Variants in WDR27 observed in about 807,000 individuals in gnomAD.
WDR27 encodes WD repeat-containing protein 27.
In WDR27, 100 loss-of-function variants were observed where a neutral mutation model predicts 114.4. The ratio of observed to expected loss-of-function variants is 0.87; its 90% CI spans 0.74 to 1.03. The LOEUF (loss-of-function observed/expected upper bound fraction) is 1.03, where lower values mean the gene tolerates loss of function less well. WDR27 is among the 50% of genes least tolerant of loss of function. The pLI is 0.00. For synonymous variants in WDR27, 449 were observed against 423.1 expected (o/e 1.06, Z -0.75); for missense variants, 1,129 against 1,092.9 (o/e 1.03, Z -0.47).
chr6:169,440,789 A>G, the WDR27 span, among the ~76,000 whole-genome samples: 1 of 152,190 alleles, frequency 6.6e-6, no homozygotes, highest in African/African-American at 2.4e-5. Context: ...TTCTAATTGT[A>G]CTAATGGTCC....
intron 16 of WDR27, among the ~76,000 whole-genome samples, chr6:169,646,275 G>A (rs4621638): frequency 0.019 from 2,967 of 152,264 alleles, 93 homozygotes; most frequent in African/African-American, 0.066. Context: ...ATGAGAGAGT[G>A]AGGCTGCTGT....
intron 23 of WDR27, among the ~76,000 whole-genome samples, chr6:169,596,007 T>C (rs1395176970): frequency 2.0e-5 from 3 of 152,136 alleles, no homozygotes; most frequent in African/African-American, 7.2e-5. Context: ...CTTTCCCTTA[T>C]AAGCATTTGA....
Position 169,496,998 on chromosome 6 carries a change from G to T in WDR27, c.2646-39364C>A, listed in dbSNP as rs77119900. On this transcript the variant is annotated intron_variant, in intron 25 of 25. Transcript: ENST00000448612. Reference sequence around the variant, plus strand: ...GAATAGCCAAAGCAATCTTGAAAAAGAACAAAACTGGAGGACCTACACTTT... The same window carrying T: ...GAATAGCCAAAGCAATCTTGAAAAATAACAAAACTGGAGGACCTACACTTT... 1.1e-3 allele frequency among the ~76,000 whole-genome samples: 166 copies of T among 151,992 alleles called. 1 individual carries two copies. The East Asian group carries it at 0.023, about 21-fold the overall frequency.
At chr6:169,430,713 C>G in the WDR27 span, among the ~76,000 whole-genome samples, 3 of 152,218 alleles carry the variant, frequency 2.0e-5, no homozygotes, top group Non-Finnish European at 4.4e-5. Context: ...CTGTCCTCAT[C>G]TGTAATAGTA....
chr6:169,671,424 TAG>T (rs960537896), intron 3 of WDR27: 1 of 152,310 alleles, frequency 6.6e-6, no homozygotes, highest in African/African-American at 2.4e-5. Flanking sequence ...CCACCCAGTC[TAG>T]AGAGGGACAC....
At chr6:169,429,602 G>T in the WDR27 span, among the ~76,000 whole-genome samples, 2 of 152,026 alleles carry the variant, frequency 1.3e-5, no homozygotes, top group Admixed American at 1.3e-4. Context: ...GGAAACCAGC[G>T]AATTCCATCC....
At chr6:169,503,899 T>C (rs1791666015) in intron 25 of WDR27, among the ~76,000 whole-genome samples, 1 of 152,116 alleles carries the variant, frequency 6.6e-6, no homozygotes, top group African/African-American at 2.4e-5. Context: ...TGTGGTGTGC[T>C]GAACTTCCAT....
In WDR27 at chr6:169,570,807, C is replaced by T. The variant is rs902167243; in HGVS notation, c.2645+1612G>A. ...TTGTGCCATTGCACTCCAGCCTGGG[C>T]CACAAGAGCGAAATTCCGTTTCAAA... On this transcript the variant is annotated intron_variant, in intron 25 of 25. Coordinates refer to ENST00000448612, the MANE Select transcript of WDR27 (RefSeq NM_182552.5). Among the ~76,000 whole-genome samples the T allele has an allele frequency of 2.6e-5, 4 of 152,156 alleles. No homozygotes were observed. In the South Asian group the frequency reaches 6.2e-4, roughly 24 times the overall value.
chr6:169,567,386 T>C (rs1425286716), intron 25 of WDR27, among the ~76,000 whole-genome samples: 1 of 152,114 alleles, frequency 6.6e-6, no homozygotes, highest in Non-Finnish European at 1.5e-5. Flanking sequence ...TTTAGGAGTA[T>C]CACTTTCTGG....
chr6:169,472,198 A>C (rs1583624786), intron 25 of WDR27, among the ~76,000 whole-genome samples: 3 of 152,212 alleles, frequency 2.0e-5, no homozygotes, highest in African/African-American at 7.2e-5. Context: ...AAAAAAGAGA[A>C]ATAACAATAA....
In WDR27 at chr6:169,668,057, G is replaced by T; in HGVS notation, c.585C>A (p.Gly195=). ...AVRAELQGHL[G]PVTAVEFCPW... is the part of the protein sequence containing the mutation. ...GACAGAACTCCACCGCAGTCACCGG[G>T]CCCAGGTGGCCCTGCAGCTCGGCCC... Residue 195 remains glycine (G), a synonymous_variant, in exon 5 of 26, where the codon GGC becomes GGA. Transcript: ENST00000448612. The T allele has an allele frequency of 1.2e-6, 2 of 1,613,952 alleles. No individual in the cohort carries two copies. Among genetic ancestry groups the T allele is most frequent in the Non-Finnish European group, 1.7e-6 (2 of 1,179,812 alleles).
At chr6:169,621,994 T>C (rs1813474933) in intron 21 of WDR27, among the ~76,000 whole-genome samples, 1 of 152,208 alleles carries the variant, frequency 6.6e-6, no homozygotes, top group African/African-American at 2.4e-5. Context: ...AGGAACTGCT[T>C]AGGGCCAACC....
intron 25 of WDR27, among the ~76,000 whole-genome samples, chr6:169,549,487 A>T (rs1012068567): frequency 6.6e-6 from 1 of 152,196 alleles, no homozygotes; most frequent in African/African-American, 2.4e-5. Context: ...AACTAAACAT[A>T]CACTTACCAT....
chr6:169,473,827 T>G (rs939827842), intron 25 of WDR27, among the ~76,000 whole-genome samples: 1 of 152,204 alleles, frequency 6.6e-6, no homozygotes, highest in South Asian at 2.1e-4. Flanking sequence ...GTAATCCACA[T>G]GGGCAGAGAA....
At chr6:169,468,129 A>G (rs1412227157) in intron 25 of WDR27, among the ~76,000 whole-genome samples, 1 of 152,196 alleles carries the variant, frequency 6.6e-6, no homozygotes, top group Non-Finnish European at 1.5e-5. Flanking sequence ...CAGTTCCCAA[A>G]AAGTTTCTCA....
the WDR27 span, among the ~76,000 whole-genome samples, chr6:169,427,806 A>ACC: frequency 8.1e-6 from 1 of 123,874 alleles, no homozygotes; most frequent in African/African-American, 2.7e-5. Context: ...GACAAACAAC[A>ACC]ACCAAAAAAA....
At chr6:169,529,310 TGC>T (rs1491306089) in intron 25 of WDR27, among the ~76,000 whole-genome samples, 4 of 16,170 alleles carry the variant, frequency 2.5e-4, no homozygotes, top group African/African-American at 6.5e-4. Context: ...TGGTGACCTC[TGC>T]GGGGGGGGGG....
chr6:169,579,790 T>C (rs1442671001), intron 24 of WDR27, among the ~76,000 whole-genome samples: 1 of 152,230 alleles, frequency 6.6e-6, no homozygotes, highest in Non-Finnish European at 1.5e-5. Flanking sequence ...GGGGCCACTC[T>C]GCCTGTGCAG....
chr6:169,660,725 G>C lies in WDR27; in HGVS notation c.1067C>G (p.Ser356Ter), dbSNP rs201570320. The change falls in exon 10 of 26, where the codon TCA (serine) becomes TGA (stop). Residue 356 changes from serine to a stop codon, truncating the protein, a stop_gained. Transcript: ENST00000448612. LOFTEE classifies it high-confidence loss of function. The stretch of plus-strand genomic sequence containing the variant: ...CAGGTTAAATACGAATAAGCCCACT[G>C]AGCTTCCGATCCACACACATCGGGT... ...ENTRCVWIGS[S>*]VGLFVFNLAN... The C allele has an allele frequency of 6.9e-5, 111 of 1,613,754 alleles. No homozygotes were observed. In the African/African-American group the frequency reaches 1.2e-3, roughly 17 times the overall value.
Sources: allele counts gnomAD v4.1 joint callset (sites outside exome capture counted in the v4.1 genomes callset), GRCh38; gene constraint gnomAD v4.1.1; transcripts MANE v1.5; gene names NCBI Gene and HGNC (gene_info 2026-07-23, HGNC 2026-07-21).